The following LRRC4C variants were observed in gnomAD, a reference collection of about 807,000 sequenced individuals.
LRRC4C encodes leucine rich repeat containing 4C.
In LRRC4C, 5 loss-of-function variants were observed where a neutral mutation model predicts 33.6. That is an observed-to-expected ratio of 0.15 (90% CI 0.08 to 0.31). LRRC4C has a LOEUF of 0.31. Ranked by LOEUF, LRRC4C falls within the 10% of genes least tolerant of loss-of-function variation. The pLI is 1.00. For missense variants in LRRC4C, 560 were observed against 796.7 expected (o/e 0.70, Z 3.58); for synonymous variants, 329 against 302.0 (o/e 1.09, Z -0.93).
intron 1 of LRRC4C, among the ~76,000 whole-genome samples, chr11:41,237,752 C>A (rs1242246822): frequency 1.3e-5 from 2 of 152,108 alleles, no homozygotes; most frequent in African/African-American, 4.8e-5. Context: ...CCTTTAATTT[C>A]TAGATCCCGG....
At chr11:40,585,002 G>T (rs1275192116) in intron 3 of LRRC4C, among the ~76,000 whole-genome samples, 1 of 151,898 alleles carries the variant, frequency 6.6e-6, no homozygotes, top group Non-Finnish European at 1.5e-5. Flanking sequence ...AGGTTCTTGG[G>T]GGCAGATGAG....
chr11:40,837,090 G>T (rs10742563), intron 2 of LRRC4C, among the ~76,000 whole-genome samples: 2 of 151,892 alleles, frequency 1.3e-5, no homozygotes, highest in African/African-American at 4.8e-5. Context: ...GAGATCCTCC[G>T]TTTTACTGTT....
intron 5 of LRRC4C, among the ~76,000 whole-genome samples, chr11:40,222,865 A>G (rs1227575218): frequency 6.6e-6 from 1 of 152,074 alleles, no homozygotes; most frequent in East Asian, 1.9e-4. Flanking sequence ...TACAGTTTCG[A>G]TCGTCAGATA....
intron 2 of LRRC4C, among the ~76,000 whole-genome samples, chr11:40,896,254 C>A (rs1955935033): frequency 6.6e-6 from 1 of 152,134 alleles, no homozygotes; most frequent in Non-Finnish European, 1.5e-5. Context: ...TAAAGGGATT[C>A]TTTGCCCTGC....
intron 5 of LRRC4C, among the ~76,000 whole-genome samples, chr11:40,222,703 T>A (rs1002771373): frequency 2.0e-5 from 3 of 152,174 alleles, no homozygotes; most frequent in Admixed American, 1.3e-4. Context: ...TTAAAACTGC[T>A]GTGATAGAAA....
intron 2 of LRRC4C, among the ~76,000 whole-genome samples, chr11:40,778,034 TA>T (rs1346001228): frequency 6.6e-6 from 1 of 152,188 alleles, no homozygotes; most frequent in Non-Finnish European, 1.5e-5. Context: ...ACCTTTTAAG[TA>T]GGGACATTTA....
At chr11:40,992,629 C>T (rs75609101) in intron 1 of LRRC4C, among the ~76,000 whole-genome samples, 81 of 152,126 alleles carry the variant, frequency 5.3e-4, no homozygotes, top group African/African-American at 1.8e-3. Flanking sequence ...AATGAAATTA[C>T]GTTGTTTGAT....
intron 1 of LRRC4C, among the ~76,000 whole-genome samples, chr11:41,040,953 A>G (rs1857392522): frequency 6.6e-6 from 1 of 152,182 alleles, no homozygotes; most frequent in African/African-American, 2.4e-5. Flanking sequence ...TCTATATTCT[A>G]TGCAGATATA....
chr11:40,470,118 C>T (rs981265070), intron 3 of LRRC4C, among the ~76,000 whole-genome samples: 4 of 152,180 alleles, frequency 2.6e-5, no homozygotes, highest in South Asian at 2.1e-4. Flanking sequence ...TCGACAGACA[C>T]CTCATATAGG....
rs71060953 is a variant in LRRC4C at position 40,348,272 on chromosome 11, T to TAA, written c.-269-28553_-269-28552dup. 8.9e-3 allele frequency among the ~76,000 whole-genome samples: 1,309 copies of TAA among 146,378 alleles called. 19 individuals are homozygous for TAA. The highest frequency in any genetic ancestry group is 0.014 in the Non-Finnish European group (935 of 66,442). On this transcript the variant is annotated intron_variant, in intron 3 of 6. Transcript: ENST00000528697. ...GAGTTGCTATAAACCTTCAATTTGT[T>TAA]AAAAAAAAAAACCCAAAAAATCTGT...
chr11:41,045,599 C>A (rs138501188), intron 1 of LRRC4C, among the ~76,000 whole-genome samples: 1 of 151,986 alleles, frequency 6.6e-6, no homozygotes, highest in Non-Finnish European at 1.5e-5. Context: ...AGATAAGGTC[C>A]GTGATGAATT....
chr11:40,815,761 C>G (rs1951682424), intron 2 of LRRC4C, among the ~76,000 whole-genome samples: 1 of 152,134 alleles, frequency 6.6e-6, no homozygotes, highest in Non-Finnish European at 1.5e-5. Flanking sequence ...CCTGCACCTT[C>G]CTCTTTAACT....
At chr11:40,547,979 A>G (rs1956992252) in intron 3 of LRRC4C, among the ~76,000 whole-genome samples, 1 of 152,112 alleles carries the variant, frequency 6.6e-6, no homozygotes, top group South Asian at 2.1e-4. Context: ...AAGGCTTTTA[A>G]TCTACCAGAA....
At chr11:40,918,207 G>A (rs1479239265) in intron 2 of LRRC4C, among the ~76,000 whole-genome samples, 3 of 151,930 alleles carry the variant, frequency 2.0e-5, no homozygotes, top group Non-Finnish European at 4.4e-5. Flanking sequence ...AGCAAAATAA[G>A]CTTCTGTGCA....
intron 2 of LRRC4C, among the ~76,000 whole-genome samples, chr11:40,675,777 G>C (rs1591437420): frequency 6.6e-6 from 1 of 152,186 alleles, no homozygotes; most frequent in South Asian, 2.1e-4. Flanking sequence ...TGAATGCCTA[G>C]GTATCTTTCT....
intron 1 of LRRC4C, among the ~76,000 whole-genome samples, chr11:41,332,858 A>T (rs970315551): frequency 6.6e-6 from 1 of 152,214 alleles, no homozygotes; most frequent in Non-Finnish European, 1.5e-5. Flanking sequence ...TATATAAGGC[A>T]TACTACATGA....
chr11:41,063,408 T>A (rs1174643531), intron 1 of LRRC4C, among the ~76,000 whole-genome samples: 1 of 152,110 alleles, frequency 6.6e-6, no homozygotes, highest in Admixed American at 6.6e-5. Context: ...ATAAGACACA[T>A]TCATTTAGTT....
intron 1 of LRRC4C, among the ~76,000 whole-genome samples, chr11:41,163,623 T>TG (rs1018686264): frequency 2.0e-5 from 3 of 150,970 alleles, no homozygotes; most frequent in African/African-American, 7.3e-5. Context: ...CTGTTTTTTT[T>TG]TTGTTTGAAA....
intron 1 of LRRC4C, among the ~76,000 whole-genome samples, chr11:41,025,761 A>G (rs967866434): frequency 2.0e-5 from 3 of 151,790 alleles, no homozygotes; most frequent in Admixed American, 6.6e-5. Context: ...ATACTGGAAA[A>G]AAGATGCCAT....
Sources: gnomAD v4.1 joint callset for allele counts (sites outside exome capture counted in the v4.1 genomes callset) on GRCh38, gnomAD v4.1.1 for gene constraint, MANE v1.5 for transcripts, NCBI Gene and HGNC (gene_info 2026-07-23, HGNC 2026-07-21) for gene names.